Variants in MACROD2 observed in about 807,000 individuals in gnomAD.
MACROD2 encodes mono-ADP ribosylhydrolase 2.
Under a neutral mutation model 70.4 loss-of-function variants are expected in MACROD2, and 36 were observed. The observed-to-expected ratio is 0.51, with a 90% CI of 0.39 to 0.68. The LOEUF (loss-of-function observed/expected upper bound fraction) is 0.68. MACROD2 is among the 30% of genes least tolerant of loss of function. The probability of loss-of-function intolerance (pLI) is 0.00; values close to 1 mark genes in which losing one functional copy is unlikely to be tolerated. For missense variants in MACROD2, 496 were observed against 538.4 expected, an observed-to-expected ratio of 0.92 and a Z score of 0.78; for synonymous variants, 172 against 178.8, an observed-to-expected ratio of 0.96 and a Z score of 0.30.
Position 15,553,875 on chromosome 20 carries a change from G to A in MACROD2, c.645+54028G>A, listed in dbSNP as rs574184620. On this transcript the variant is annotated intron_variant, in intron 8 of 17. Coordinates refer to ENST00000684519, the MANE Select transcript of MACROD2 (RefSeq NM_001351661.2). ...CAAGAATCAGGACTTGTAGGCCGTT[G>A]AATACTGTTTAGGCCTGGAGACTTC... Among the ~76,000 whole-genome samples the A allele has an allele frequency of 1.9e-4, 29 of 152,320 alleles. 2 individuals are homozygous for A. In the South Asian group the frequency reaches 5.6e-3, roughly 29 times the overall value.
intron 8 of MACROD2, among the ~76,000 whole-genome samples, chr20:15,681,249 T>C (rs1268765155): frequency 6.6e-6 from 1 of 152,238 alleles, no homozygotes; most frequent in Non-Finnish European, 1.5e-5. Flanking sequence ...AGTCTTCATA[T>C]GTAATTTGTG....
chr20:15,035,695 C>G (rs773032279), intron 5 of MACROD2, among the ~76,000 whole-genome samples: 1 of 152,162 alleles, frequency 6.6e-6, no homozygotes, highest in African/African-American at 2.4e-5. Flanking sequence ...TCAGACCTCA[C>G]AGCCCCAGGA....
chr20:15,882,957 T>C (rs2064775739), intron 9 of MACROD2, among the ~76,000 whole-genome samples: 2 of 151,984 alleles, frequency 1.3e-5, no homozygotes, highest in Admixed American at 1.3e-4. Context: ...CTCTGACACT[T>C]TTTAATAGCA....
At chr20:14,525,059 C>T (rs1998103) in intron 4 of MACROD2, among the ~76,000 whole-genome samples, 124,675 of 152,108 alleles carry the variant, frequency 0.82, 51,494 homozygotes, top group East Asian at 1. Context: ...TTTAGAATTC[C>T]GAATTTATTT....
At chr20:14,868,756 A>C (rs983940581) in intron 5 of MACROD2, among the ~76,000 whole-genome samples, 2 of 152,178 alleles carry the variant, frequency 1.3e-5, no homozygotes, top group Non-Finnish European at 2.9e-5. Context: ...TCCTCAACTC[A>C]ATAAAGTAAA....
intron 4 of MACROD2, chr20:14,567,062 A>C (rs775263886): frequency 6.6e-5 from 10 of 151,916 alleles, no homozygotes; most frequent in Non-Finnish European, 1.5e-4. Flanking sequence ...GGCTCCAGTG[A>C]TCCTTTTGCC....
intron 3 of MACROD2, among the ~76,000 whole-genome samples, chr20:14,449,065 A>G (rs2084216581): frequency 6.6e-6 from 1 of 152,062 alleles, no homozygotes; most frequent in South Asian, 2.1e-4. Context: ...AAGAAAGAGG[A>G]GGCAGTTTTG....
At chr20:14,384,644 T>C (rs1020797978) in intron 3 of MACROD2, among the ~76,000 whole-genome samples, 24 of 152,166 alleles carry the variant, frequency 1.6e-4, no homozygotes, top group Non-Finnish European at 1.5e-5. Flanking sequence ...TAATCTGTAC[T>C]AAACAAGCAA....
intron 5 of MACROD2, among the ~76,000 whole-genome samples, chr20:15,161,581 T>C (rs2076348781): frequency 6.6e-6 from 1 of 151,890 alleles, no homozygotes; most frequent in Admixed American, 6.6e-5. Context: ...AGCATATGGC[T>C]TAGTATAGAA....
intron 2 of MACROD2, among the ~76,000 whole-genome samples, chr20:14,068,668 G>A (rs1015811028): frequency 2.6e-5 from 4 of 152,090 alleles, no homozygotes; most frequent in African/African-American, 9.7e-5. Context: ...ACCAGGCAAA[G>A]GGCATTCTAA....
At chr20:14,683,862 C>CTT (rs11087102) in intron 4 of MACROD2, among the ~76,000 whole-genome samples, 6 of 151,138 alleles carry the variant, frequency 4.0e-5, no homozygotes, top group Admixed American at 1.3e-4. Context: ...TATAATCTTG[C>CTT]TTTTTTTTTC....
At chr20:14,874,138 A>C (rs2073521481) in intron 5 of MACROD2, among the ~76,000 whole-genome samples, 1 of 151,986 alleles carries the variant, frequency 6.6e-6, no homozygotes, top group Non-Finnish European at 1.5e-5. Flanking sequence ...GTAAGTATTG[A>C]AACAGCTTTG....
At chr20:15,880,446 G>GT (rs2093808120) in intron 9 of MACROD2, among the ~76,000 whole-genome samples, 2 of 151,862 alleles carry the variant, frequency 1.3e-5, no homozygotes, top group East Asian at 2.0e-4. Flanking sequence ...TGTTGGGGCG[G>GT]CGGGGGTGTG....
chr20:15,790,730 A>G (rs2063616912), intron 8 of MACROD2, among the ~76,000 whole-genome samples: 1 of 151,938 alleles, frequency 6.6e-6, no homozygotes, highest in South Asian at 2.1e-4. Flanking sequence ...TTTTTAGAAA[A>G]AAAATTATCA....
chr20:14,485,648 C>T (rs2084717737), intron 3 of MACROD2, among the ~76,000 whole-genome samples: 1 of 145,940 alleles, frequency 6.9e-6, no homozygotes, highest in African/African-American at 2.6e-5. Flanking sequence ...TTGCAGTGAG[C>T]CGAGATCGTG....
chr20:16,034,825 C>G lies in MACROD2; in HGVS notation c.1154-6376C>G, dbSNP rs145370357. On this transcript the variant is annotated intron_variant, in intron 15 of 17. Transcript: ENST00000684519. ...TCTCTTGCCCTCTCATACTCTTCCC[C>G]CTAAGTCCCCAAAGTCCATTGCATC... is the stretch of plus-strand genomic sequence containing the variant. 3.2e-3 allele frequency among the ~76,000 whole-genome samples: 489 copies of G among 151,418 alleles called. 3 individuals are homozygous for G. Among genetic ancestry groups the G allele is most frequent in the African/African-American group, 0.011 (462 of 41,282 alleles).
intron 5 of MACROD2, among the ~76,000 whole-genome samples, chr20:14,863,595 A>G (rs2073395999): frequency 6.6e-6 from 1 of 152,110 alleles, no homozygotes; most frequent in Admixed American, 6.6e-5. Flanking sequence ...AGTTACATAA[A>G]TGTGAGTTTC....
intron 9 of MACROD2, among the ~76,000 whole-genome samples, chr20:15,877,343 G>A (rs2064690181): frequency 6.6e-6 from 1 of 152,124 alleles, no homozygotes; most frequent in African/African-American, 2.4e-5. Flanking sequence ...AGTTGGGCAA[G>A]CCAGAAGCAG....
chr20:15,605,979 A>G (rs1223284865), intron 8 of MACROD2, among the ~76,000 whole-genome samples: 3 of 152,162 alleles, frequency 2.0e-5, no homozygotes, highest in Non-Finnish European at 4.4e-5. Flanking sequence ...CAGTGAACTG[A>G]TTACATACTC....
Sources: gnomAD v4.1 joint callset for allele counts (sites outside exome capture counted in the v4.1 genomes callset) on GRCh38, gnomAD v4.1.1 for gene constraint, MANE v1.5 for transcripts, NCBI Gene and HGNC (gene_info 2026-07-23, HGNC 2026-07-21) for gene names.